The following RFTN1 variants were observed in gnomAD, a reference collection of about 807,000 sequenced individuals.
RFTN1 encodes raftlin, lipid raft linker 1.
RFTN1 carries 26 observed loss-of-function variants against 46.5 expected under a neutral mutation model. The ratio of observed to expected loss-of-function variants is 0.56; its 90% CI spans 0.41 to 0.78. The LOEUF is 0.78. Among genes scored for constraint, RFTN1 ranks in the 30% least tolerant of loss-of-function variants. The pLI is 0.00. For missense variants in RFTN1, 693 were observed against 718.7 expected (o/e 0.96, Z 0.41); for synonymous variants, 261 against 284.2 (o/e 0.92, Z 0.82).
Position 16,337,879 on chromosome 3 carries a change from G to T in RFTN1, c.1147-11003C>A, listed in dbSNP as rs1412522016. 6.6e-6 allele frequency among the ~76,000 whole-genome samples: 1 copy of T among 152,124 alleles called. No individual in the cohort carries two copies. The highest frequency in any genetic ancestry group is 1.5e-5 in the Non-Finnish European group (1 of 68,030). ...CACACCTAGCCCTTATTTGCTCCAG[G>T]CCGGACACTTTGGCCTTGCATTACC... On this transcript the variant is annotated intron_variant, in intron 7 of 9. Transcript: ENST00000334133. The surrounding 1 kb of genome is among the most constrained non-coding windows in gnomAD (Gnocchi z 5.0).
intron 4 of RFTN1, among the ~76,000 whole-genome samples, chr3:16,397,325 A>G (rs1205784497): frequency 6.6e-6 from 1 of 152,220 alleles, no homozygotes; most frequent in East Asian, 1.9e-4. Context: ...AGAAACAATA[A>G]AACACTGGTT....
chr3:16,392,189 G>A (rs2074367521), intron 4 of RFTN1, among the ~76,000 whole-genome samples: 1 of 152,110 alleles, frequency 6.6e-6, no homozygotes, highest in Non-Finnish European at 1.5e-5. Context: ...CAGAAAAGGG[G>A]AAAACCTTAT....
intron 3 of RFTN1, among the ~76,000 whole-genome samples, chr3:16,431,790 A>G (rs951545210): frequency 3.9e-5 from 6 of 152,202 alleles, no homozygotes; most frequent in African/African-American, 1.2e-4. Context: ...AAGGTTGAGT[A>G]ATAAAAGTAC....
At chr3:16,401,483 G>A (rs1395571919) in intron 4 of RFTN1, among the ~76,000 whole-genome samples, 1 of 151,942 alleles carries the variant, frequency 6.6e-6, no homozygotes, top group Non-Finnish European at 1.5e-5. Flanking sequence ...GGCATCCAGT[G>A]GCCAAACCCG....
At position 16,433,572 on chromosome 3, in the gene RFTN1, CA is replaced by C. The variant is rs1050691231; in HGVS notation, c.332+278del. ...TGGGCATATGCTTCTTCTGAGGAGA[CA>C]TTTTTCTAGCTGAGTTTAATCCAGT... On this transcript the variant is annotated intron_variant, in intron 3 of 9. Transcript: ENST00000334133. The surrounding 1 kb of genome is among the most constrained non-coding windows in gnomAD (Gnocchi z 4.4). Among the ~76,000 whole-genome samples, 1 of 152,170 alleles carries C rather than the reference CA, an allele frequency of 6.6e-6. No homozygotes were observed. Among genetic ancestry groups the C allele is most frequent in the African/African-American group, 2.4e-5 (1 of 41,432 alleles).
At chr3:16,404,735 G>A (rs2074810518) in intron 4 of RFTN1, among the ~76,000 whole-genome samples, 1 of 151,762 alleles carries the variant, frequency 6.6e-6, no homozygotes, top group South Asian at 2.1e-4. Flanking sequence ...ACTTTGCAGA[G>A]CCCTCGTTCC....
At chr3:16,358,073 T>TG (rs113108751) in intron 6 of RFTN1, 26 bp from the exon 7 acceptor site, 6,120 of 384,508 alleles carry the variant, frequency 0.016, 30 homozygotes, top group African/African-American at 0.055. Flanking sequence ...AAGGCGGGGG[T>TG]GGGGGGGGTC....
chr3:16,511,797 C>G (rs1039954550), intron 1 of RFTN1, among the ~76,000 whole-genome samples: 1 of 152,100 alleles, frequency 6.6e-6, no homozygotes, highest in South Asian at 2.1e-4. Flanking sequence ...AAAAAGAACT[C>G]ACTGACTTGT....
intron 7 of RFTN1, among the ~76,000 whole-genome samples, chr3:16,357,191 G>A (rs2072509676): frequency 6.6e-6 from 1 of 151,602 alleles, no homozygotes; most frequent in African/African-American, 2.4e-5. Context: ...TGTCCAAATA[G>A]CTTCTCCCTT....
At position 16,322,132 on chromosome 3, in the gene RFTN1, G is replaced by T. The variant is rs1250204841; in HGVS notation, c.1332+1244C>A. ...CTGTGGCTGAGCTGAAACTGACAGCGCTCTGCAGCCGATCCATCTTCCAGC... is the reference window on the plus strand; with the variant it reads ...CTGTGGCTGAGCTGAAACTGACAGCTCTCTGCAGCCGATCCATCTTCCAGC... On this transcript the variant is annotated intron_variant, in intron 9 of 9. Transcript: ENST00000334133. The surrounding 1 kb of genome is among the most constrained non-coding windows in gnomAD (Gnocchi z 6.2). 6.6e-6 allele frequency among the ~76,000 whole-genome samples: 1 copy of T among 152,208 alleles called. No homozygotes were observed.
At chr3:16,439,987 G>C (rs1411871178) in intron 2 of RFTN1, among the ~76,000 whole-genome samples, 3 of 152,176 alleles carry the variant, frequency 2.0e-5, no homozygotes, top group Non-Finnish European at 4.4e-5. Context: ...CCTTTGACCA[G>C]GAGCTGACTC....
intron 4 of RFTN1, among the ~76,000 whole-genome samples, chr3:16,408,026 C>T (rs1216289112): frequency 6.6e-6 from 1 of 152,186 alleles, no homozygotes; most frequent in African/African-American, 2.4e-5. Context: ...ACAGCCTAAT[C>T]ATTTTACTGT....
At chr3:16,328,968 A>G (rs1218688363) in intron 7 of RFTN1, among the ~76,000 whole-genome samples, 2 of 152,236 alleles carry the variant, frequency 1.3e-5, no homozygotes, top group Non-Finnish European at 2.9e-5. Flanking sequence ...AAAAGAAGGA[A>G]AGTGCTAAGG....
rs2070071276 is a variant in RFTN1, at chr3:16,329,413, A to G, written c.1147-2537T>C. 6.6e-6 allele frequency among the ~76,000 whole-genome samples: 1 copy of G among 152,212 alleles called. No individual in the cohort carries two copies. Among genetic ancestry groups the G allele is most frequent in the Admixed American group, 6.5e-5 (1 of 15,290 alleles). On this transcript the variant is annotated intron_variant, in intron 7 of 9. Transcript: ENST00000334133. The surrounding 1 kb of genome is among the most constrained non-coding windows in gnomAD (Gnocchi z 4.5). ...GAGGAGGGAAGGGAGGAAAGGAGAG[A>G]GAGGTACAAGAATAATCCGTTTACA...
rs1240708659 is a variant in RFTN1, at chr3:16,320,498, G to GA, written c.1332+2877dup. Reference sequence around the variant, plus strand: ...ACTAAAATCTGGGTACACAACACAGGAAAAAGGTCTTTGCTCTTGTGGAGA... The same window carrying GA: ...ACTAAAATCTGGGTACACAACACAGGAAAAAAGGTCTTTGCTCTTGTGGAGA... On this transcript the variant is annotated intron_variant, in intron 9 of 9. Coordinates refer to ENST00000334133, the MANE Select transcript of RFTN1 (RefSeq NM_015150.2). This position sits in a 1 kb window ranked among gnomAD's most constrained non-coding sequence, Gnocchi z 4.5. 6.6e-6 allele frequency among the ~76,000 whole-genome samples: 1 copy of GA among 152,192 alleles called. No individual in the cohort carries two copies. Among genetic ancestry groups the GA allele is most frequent in the South Asian group, 2.1e-4 (1 of 4,828 alleles).
intron 1 of RFTN1, among the ~76,000 whole-genome samples, chr3:16,503,465 C>T (rs1178787958): frequency 6.6e-6 from 1 of 152,126 alleles, no homozygotes; most frequent in Non-Finnish European, 1.5e-5. Context: ...AGGGGTGGGG[C>T]CAGAGCACCA....
At position 16,489,779 on chromosome 3, in the gene RFTN1, A is replaced by C. The variant is rs1035438326; in HGVS notation, c.145+3946T>G. Among the ~76,000 whole-genome samples the C allele has an allele frequency of 1.3e-5, 2 of 152,080 alleles. No individual in the cohort carries two copies. The highest frequency in any genetic ancestry group is 3.9e-4 in the East Asian group (2 of 5,172). On this transcript the variant is annotated intron_variant, in intron 2 of 9. Coordinates refer to ENST00000334133, the MANE Select transcript of RFTN1 (RefSeq NM_015150.2). The surrounding 1 kb of genome is among the most constrained non-coding windows in gnomAD (Gnocchi z 4.0). ...CAAAATTAGCCGTGTGTAGTGGTGC[A>C]TGCTTGGAATCCCAGATACTCAAGA...
chr3:16,317,058 C>T lies in RFTN1; in HGVS notation c.1507G>A (p.Gly503Arg), dbSNP rs763131019. 6.2e-7 allele frequency: 1 copy of T among 1,613,842 alleles called. No individual in the cohort carries two copies. Among genetic ancestry groups the T allele is most frequent in the South Asian group, 1.1e-5 (1 of 91,072 alleles). ...GGGCCCTTCATCTCCTCGGAGACTC[C>T]ACCCTCCTGCTGCTGTCCTGAAACA... ...NCVSGQQQEGGVSEEMKGPVQ... is the reference protein window; with the variant it reads ...NCVSGQQQEGRVSEEMKGPVQ... The change falls in exon 10 of 10, where the codon GGA (glycine) becomes AGA (arginine). Residue 503 changes from glycine (G) to arginine (R), a missense_variant. Coordinates refer to ENST00000334133, the MANE Select transcript of RFTN1 (RefSeq NM_015150.2). The surrounding 1 kb of genome is among the most constrained non-coding windows in gnomAD (Gnocchi z 4.3).
At position 16,481,008 on chromosome 3, in the gene RFTN1, C is replaced by CACAG. The variant is rs2076357736; in HGVS notation, c.145+12716_145+12717insCTGT. ...GCACACACACACACAGACACACACA[C>CACAG]ACACACACACACACACACACACCTG... On this transcript the variant is annotated intron_variant, in intron 2 of 9. Coordinates refer to ENST00000334133, the MANE Select transcript of RFTN1 (RefSeq NM_015150.2). The surrounding 1 kb of genome is among the most constrained non-coding windows in gnomAD (Gnocchi z 5.1). 6.6e-6 allele frequency among the ~76,000 whole-genome samples: 1 copy of CACAG among 151,308 alleles called. No homozygotes were observed. The highest frequency in any genetic ancestry group is 1.5e-5 in the Non-Finnish European group (1 of 67,784).
Sources: allele counts gnomAD v4.1 joint callset (sites outside exome capture counted in the v4.1 genomes callset), GRCh38; gene constraint gnomAD v4.1.1; non-coding constraint Gnocchi (gnomAD v3.1); transcripts MANE v1.5; gene names NCBI Gene and HGNC (gene_info 2026-07-23, HGNC 2026-07-21).